The following AFDN variants were observed in gnomAD, a reference collection of about 807,000 sequenced individuals.
AFDN encodes the protein afadin, adherens junction formation factor.
AFDN carries 68 observed loss-of-function variants against 216.6 expected under a neutral mutation model. That is an observed-to-expected ratio of 0.31 (90% CI 0.26 to 0.38). The LOEUF (loss-of-function observed/expected upper bound fraction) is 0.38, where lower values mean the gene tolerates loss of function less well. AFDN is among the 10% of genes least tolerant of loss of function. The pLI is 1.00. For missense variants in AFDN, 2,136 were observed against 2,342.0 expected, an observed-to-expected ratio of 0.91 and a Z score of 1.82; for synonymous variants, 868 against 853.7, an observed-to-expected ratio of 1.02 and a Z score of -0.29.
intron 1 of AFDN, among the ~76,000 whole-genome samples, chr6:167,849,418 T>C (rs1451505618): frequency 1.3e-5 from 2 of 152,316 alleles, no homozygotes; most frequent in East Asian, 1.9e-4. Flanking sequence ...TGTTCAATTA[T>C]AGCTAGAAAT....
At position 167,889,380 on chromosome 6, in the gene AFDN, G is replaced by T. The variant is rs550364002; in HGVS notation, c.1009+54G>T. The T allele has an allele frequency of 1.1e-5, 13 of 1,206,648 alleles. No individual in the cohort carries two copies. In the East Asian group the frequency reaches 1.4e-4, roughly 13 times the overall value. 74.7% of individuals were successfully genotyped at this position (1,206,648 alleles called of 1,614,324 possible). A position where few individuals can be genotyped will look rare whatever the true frequency, so the allele number is the denominator to read the frequency against. ...ACCAGATTCCTATGTGATATACCAG[G>T]TGTTCACCTTATCACATGATGTAGG... On this transcript the variant is annotated intron_variant, in intron 7 of 33. Transcript: ENST00000683244.
In AFDN at chr6:167,971,579, C is replaced by T. The variant is rs1447736090; in HGVS notation, c.*1644C>T. The T allele has an allele frequency of 1.0e-5, 2 of 194,002 alleles. No individual in the cohort carries two copies. Among genetic ancestry groups the T allele is most frequent in the Admixed American group, 6.1e-5 (1 of 16,340 alleles). The allele number at this position is 194,002 out of a possible 1,614,324, so 12.0% of individuals were successfully genotyped here. On this transcript the variant is annotated 3_prime_UTR_variant, in exon 34 of 34. Coordinates refer to ENST00000683244, the MANE Select transcript of AFDN (RefSeq NM_001386888.1). ...GGAAAAGCAGGCACCTCCCAAATAT[C>T]TTGAGGACACTGGCAGCCTTATGGT...
At chr6:167,915,491 T>C (rs1185777318) in intron 19 of AFDN, 58 bp downstream of exon 19, 3 of 1,534,886 alleles carry the variant, frequency 2.0e-6, no homozygotes, top group East Asian at 4.5e-5. Flanking sequence ...ATCTGATCTT[T>C]ATGATGAGCA....
In AFDN at chr6:167,910,844, C is replaced by T. The variant is rs932753868; in HGVS notation, c.1770-257C>T. On this transcript the variant is annotated intron_variant, in intron 13 of 33. Transcript: ENST00000683244. Reference sequence around the variant, plus strand: ...AGACATGAAGTGTTCATTAATAATCCAGAATCACGTCAGATCTGCTGTCAT... The same window carrying T: ...AGACATGAAGTGTTCATTAATAATCTAGAATCACGTCAGATCTGCTGTCAT... Among the ~76,000 whole-genome samples the T allele has an allele frequency of 1.6e-4, 24 of 152,250 alleles. 1 individual carries two copies. The highest frequency in any genetic ancestry group is 1.5e-3 in the South Asian group (7 of 4,826).
At chr6:167,868,788 G>C (rs1398613246) in intron 2 of AFDN, among the ~76,000 whole-genome samples, 38 of 131,738 alleles carry the variant, frequency 2.9e-4, no homozygotes, top group Middle Eastern at 4.2e-3. Context: ...TTTGAGACAG[G>C]GTCTCACTTT....
chr6:167,923,150 A>G (rs1448681886), intron 22 of AFDN, 191 bp downstream of exon 22: 3 of 487,164 alleles, frequency 6.2e-6, no homozygotes, highest in Non-Finnish European at 1.1e-5. Flanking sequence ...AGCCATGTCT[A>G]TTACAGTTTT....
In AFDN at chr6:167,869,471, A is replaced by G. The variant is rs534292165; in HGVS notation, c.302-915A>G. Among the ~76,000 whole-genome samples, 18 of 152,320 alleles carry G rather than the reference A, an allele frequency of 1.2e-4. No homozygotes were observed. In the South Asian group the frequency reaches 3.3e-3, roughly 28 times the overall value. ...GTAGCACTGGCTCAAAGAACAGTTGAAGGTTTGAGCAGAGTGAATGGATTT... is the reference window on the plus strand; with the variant it reads ...GTAGCACTGGCTCAAAGAACAGTTGGAGGTTTGAGCAGAGTGAATGGATTT... On this transcript the variant is annotated intron_variant, in intron 2 of 33. Coordinates refer to ENST00000683244, the MANE Select transcript of AFDN (RefSeq NM_001386888.1).
intron 5 of AFDN, among the ~76,000 whole-genome samples, chr6:167,879,514 CTG>C (rs1455609005): frequency 6.6e-6 from 1 of 152,172 alleles, no homozygotes; most frequent in African/African-American, 2.4e-5. Flanking sequence ...CATAATGGGA[CTG>C]TGGAACCTAT....
chr6:167,970,802 C>T lies in AFDN; in HGVS notation c.*867C>T, dbSNP rs1194347676. 4 of 219,586 alleles carry T rather than the reference C, an allele frequency of 1.8e-5. No individual in the cohort carries two copies. The East Asian group carries it at 2.7e-4, about 15-fold the overall frequency. The allele number at this position is 219,586 out of a possible 1,614,324, so 13.6% of individuals were successfully genotyped here. A position where few individuals can be genotyped will look rare whatever the true frequency, so the allele number is the denominator to read the frequency against. On this transcript the variant is annotated 3_prime_UTR_variant, in exon 34 of 34. Coordinates refer to ENST00000683244, the MANE Select transcript of AFDN (RefSeq NM_001386888.1). Reference sequence around the variant, plus strand: ...CTTTATTGGAGCAATGTTCATGTGACTGGGAATGACAGAAGAATGGGAGAT... The same window carrying T: ...CTTTATTGGAGCAATGTTCATGTGATTGGGAATGACAGAAGAATGGGAGAT...
At chr6:167,872,077 A>C in intron 3 of AFDN, 137 bp from the exon 4 acceptor site, 1 of 770,972 alleles carries the variant, frequency 1.3e-6, no homozygotes, top group Non-Finnish European at 2.1e-6. Context: ...GACCATTCTC[A>C]TTACTCCAGA....
chr6:167,964,969 T>A, intron 31 of AFDN: 1 of 1,053,360 alleles, frequency 9.5e-7, no homozygotes, highest in Non-Finnish European at 1.1e-6. Flanking sequence ...TTTGTGCAGA[T>A]GTATGTCAGA....
chr6:167,900,346 T>C (rs145672087), intron 11 of AFDN, among the ~76,000 whole-genome samples: 1,551 of 152,290 alleles, frequency 0.01, 30 homozygotes, highest in African/African-American at 0.036. Context: ...ATATTGATAG[T>C]TTGGGAATTT....
At chr6:167,884,038 G>A (rs1460660307) in intron 6 of AFDN, among the ~76,000 whole-genome samples, 1 of 152,192 alleles carries the variant, frequency 6.6e-6, no homozygotes. Flanking sequence ...CATTTCAACA[G>A]TGTTCACAGC....
chr6:167,868,490 A>G (rs1201290348), intron 2 of AFDN, among the ~76,000 whole-genome samples: 1 of 151,770 alleles, frequency 6.6e-6, no homozygotes, highest in Non-Finnish European at 1.5e-5. Context: ...AATTGAAAAA[A>G]CAAAGACTTA....
At chr6:167,914,561 C>A in intron 17 of AFDN, 83 bp from the exon 18 acceptor site, 1 of 1,061,762 alleles carries the variant, frequency 9.4e-7, no homozygotes, top group Non-Finnish European at 1.4e-6. Context: ...TTTTAAGAGT[C>A]CAGATTGTTT....
At chr6:167,866,623 T>G (rs1784216166) in intron 2 of AFDN, among the ~76,000 whole-genome samples, 1 of 152,244 alleles carries the variant, frequency 6.6e-6, no homozygotes. Context: ...GGGACAGTTG[T>G]GCCTCTTGGG....
At chr6:167,840,729 G>A (rs1034549877) in intron 1 of AFDN, among the ~76,000 whole-genome samples, 3 of 152,214 alleles carry the variant, frequency 2.0e-5, no homozygotes, top group Middle Eastern at 3.2e-3. Context: ...GGGCTGAGGA[G>A]CCAGTTGCCA....
chr6:167,827,452 C>G (rs1400422018), intron 1 of AFDN, among the ~76,000 whole-genome samples: 1 of 145,184 alleles, frequency 6.9e-6, no homozygotes, highest in African/African-American at 2.5e-5. Context: ...CGGGGTCGCG[C>G]GGGCCGAGCG....
Position 167,868,762 on chromosome 6 carries a change from CT to C in AFDN, c.302-1606del, listed in dbSNP as rs35300672. Among the ~76,000 whole-genome samples, 303 of 122,538 alleles carry C rather than the reference CT, an allele frequency of 2.5e-3. 2 individuals are homozygous for C. Among genetic ancestry groups the C allele is most frequent in the African/African-American group, 7.3e-3 (235 of 32,164 alleles). The allele number at this position is 122,538 out of a possible 152,430, so 80.4% of individuals were successfully genotyped here. On this transcript the variant is annotated intron_variant, in intron 2 of 33. Transcript: ENST00000683244. ...TTTACTATCATCAGCATTGTGCAAT[CT>C]TTTTTTTTTTTTTTTTTGAGACAGG...
Sources: gnomAD v4.1 joint callset for allele counts (sites outside exome capture counted in the v4.1 genomes callset) on GRCh38, gnomAD v4.1.1 for gene constraint, MANE v1.5 for transcripts, NCBI Gene and HGNC (gene_info 2026-07-23, HGNC 2026-07-21) for gene names.